Variants in PON2 observed in about 807,000 individuals in gnomAD.
The protein encoded by PON2 is serum paraoxonase/arylesterase 2.
In PON2, 27 loss-of-function variants were observed where a neutral mutation model predicts 36.6. That is an observed-to-expected ratio of 0.74 (90% CI 0.54 to 1.02). PON2 has a LOEUF of 1.02. Ranked by LOEUF, PON2 falls within the 50% of genes least tolerant of loss-of-function variation. The pLI, the probability that PON2 is intolerant of heterozygous loss-of-function variation, is 0.00. For synonymous variants in PON2, 149 were observed against 156.3 expected, an observed-to-expected ratio of 0.95 and a Z score of 0.35; for missense variants, 363 against 421.1, an observed-to-expected ratio of 0.86 and a Z score of 1.21.
At chr7:95,413,440 A>G (rs1788987322) in intron 3 of PON2, among the ~76,000 whole-genome samples, 1 of 152,244 alleles carries the variant, frequency 6.6e-6, no homozygotes, top group Non-Finnish European at 1.5e-5. Flanking sequence ...ATGCAAATGC[A>G]GCCAATGCTT....
chr7:95,433,546 T>C (rs926829849), intron 1 of PON2, among the ~76,000 whole-genome samples: 3 of 152,218 alleles, frequency 2.0e-5, no homozygotes, highest in Admixed American at 2.0e-4. Context: ...TAAGTTCTTG[T>C]TGAAAAGCAA....
chr7:95,419,356 G>A (rs942542209), intron 2 of PON2, among the ~76,000 whole-genome samples: 1 of 152,146 alleles, frequency 6.6e-6, no homozygotes, highest in Admixed American at 6.6e-5. Context: ...CCACTGCTCA[G>A]GGGAATTAGG....
chr7:95,411,545 T>C, intron 5 of PON2, 108 bp downstream of exon 5: 1 of 1,308,294 alleles, frequency 7.6e-7, no homozygotes, highest in Non-Finnish European at 1.1e-6. Flanking sequence ...TCTTACATAT[T>C]AGCTAATATA....
chr7:95,407,634 T>A (rs995874873), intron 6 of PON2, among the ~76,000 whole-genome samples: 1 of 152,232 alleles, frequency 6.6e-6, no homozygotes, highest in Non-Finnish European at 1.5e-5. Context: ...CCATGGCACC[T>A]GCTCTGTTGA....
intron 1 of PON2, among the ~76,000 whole-genome samples, chr7:95,428,621 C>T (rs1392055732): frequency 6.6e-6 from 1 of 152,134 alleles, no homozygotes. Context: ...ATTTACCTAC[C>T]TCTAGATCCA....
At position 95,405,392 on chromosome 7, in the gene PON2, C is replaced by T; in HGVS notation, c.1003G>A (p.Val335Met). 6.2e-7 allele frequency: 1 copy of T among 1,613,984 alleles called. No individual in the cohort carries two copies. The highest frequency in any genetic ancestry group is 8.5e-7 in the Non-Finnish European group (1 of 1,179,876). ...SVLQGSSVAS[V>M]YDGKLLIGTL... ...CCTATGAGCAGCTTCCCATCATACACTGAGGCTACAGAACTTCCTTGGAGA... is the reference window on the plus strand; with the variant it reads ...CCTATGAGCAGCTTCCCATCATACATTGAGGCTACAGAACTTCCTTGGAGA... The change falls in exon 9 of 9, where the codon GTG becomes ATG. Residue 335 changes from valine (V) to methionine (M), a missense_variant. Physicochemically the swap from Val to Met is conservative, Grantham distance 21. Transcript: ENST00000222572.
intron 3 of PON2, chr7:95,412,905 T>C (rs1585749924): frequency 3.9e-6 from 1 of 257,558 alleles, no homozygotes; most frequent in African/African-American, 2.3e-5. Context: ...CATTTACATA[T>C]TGGTCTATTT....
chr7:95,431,125 G>C (rs1789432663), intron 1 of PON2, among the ~76,000 whole-genome samples: 1 of 152,102 alleles, frequency 6.6e-6, no homozygotes, highest in African/African-American at 2.4e-5. Flanking sequence ...TTTGTATACT[G>C]TTATTTTCCC....
intron 5 of PON2, among the ~76,000 whole-genome samples, chr7:95,410,678 C>T (rs1471543223): frequency 6.6e-6 from 1 of 152,040 alleles, no homozygotes; most frequent in Admixed American, 6.6e-5. Flanking sequence ...TACAATGCTT[C>T]AGGTGAGAGA....
At position 95,405,537 on chromosome 7, in the gene PON2, T is replaced by C. The variant is rs373903905; in HGVS notation, c.907-49A>G. On this transcript the variant is annotated intron_variant, in intron 8 of 8. Transcript: ENST00000222572. ...AATATAAGACCACCGTACATGCATGTCACTCAATCATCAATAAGCCCTGTT... is the reference window on the plus strand; with the variant it reads ...AATATAAGACCACCGTACATGCATGCCACTCAATCATCAATAAGCCCTGTT... The C allele has an allele frequency of 5.5e-5, 85 of 1,541,558 alleles. No individual in the cohort carries two copies. The African/African-American group carries it at 1.1e-3, about 20-fold the overall frequency.
intron 2 of PON2, among the ~76,000 whole-genome samples, chr7:95,423,219 G>A (rs1789234066): frequency 6.6e-6 from 1 of 151,562 alleles, no homozygotes; most frequent in African/African-American, 2.4e-5. Flanking sequence ...CTACCTGGGA[G>A]GACGAGGCGG....
intron 1 of PON2, among the ~76,000 whole-genome samples, chr7:95,430,581 G>A (rs1363255213): frequency 2.0e-5 from 3 of 151,832 alleles, no homozygotes; most frequent in African/African-American, 7.3e-5. Flanking sequence ...TTATAGTAAT[G>A]AGCCACCGTG....
chr7:95,427,546 T>C, intron 1 of PON2, among the ~76,000 whole-genome samples: 1 of 152,180 alleles, frequency 6.6e-6, no homozygotes, highest in East Asian at 1.9e-4. Flanking sequence ...CACGCAGTGT[T>C]TGAGACTGCG....
chr7:95,414,128 A>G (rs1789004259), intron 3 of PON2, among the ~76,000 whole-genome samples: 1 of 152,186 alleles, frequency 6.6e-6, no homozygotes, highest in African/African-American at 2.4e-5. Context: ...TGTTAAGCAC[A>G]CTCACATTGT....
chr7:95,426,136 T>C (rs17876189), intron 1 of PON2, among the ~76,000 whole-genome samples: 1,715 of 152,214 alleles, frequency 0.011, 29 homozygotes, highest in South Asian at 0.047. Flanking sequence ...TGAAAAACTA[T>C]AGGGTACTAT....
intron 1 of PON2, among the ~76,000 whole-genome samples, chr7:95,430,222 T>C (rs1399784421): frequency 6.6e-6 from 1 of 152,092 alleles, no homozygotes; most frequent in Non-Finnish European, 1.5e-5. Context: ...CCCAGTGCTT[T>C]GGGAAGTTGA....
intron 2 of PON2, among the ~76,000 whole-genome samples, chr7:95,421,743 A>G (rs1789197996): frequency 2.0e-5 from 3 of 152,196 alleles, no homozygotes; most frequent in Non-Finnish European, 4.4e-5. Flanking sequence ...AAAAAAGGAG[A>G]AAGAACACAT....
intron 1 of PON2, among the ~76,000 whole-genome samples, chr7:95,431,158 G>C (rs1480871625): frequency 6.6e-6 from 1 of 152,090 alleles, no homozygotes; most frequent in Non-Finnish European, 1.5e-5. Context: ...ACTAGGGAGG[G>C]GTGGAAAAGG....
Position 95,421,696 on chromosome 7 carries a change from G to A in PON2, c.145+2819C>T, listed in dbSNP as rs1182937310. 2.0e-5 allele frequency among the ~76,000 whole-genome samples: 3 copies of A among 152,148 alleles called. No homozygotes were observed. The East Asian group carries it at 5.8e-4, about 29-fold the overall frequency. ...AGGACAGCCAACCAGTCTAGGGGAG[G>A]GGAGGTAGAACTGGGGAAATACAAA... On this transcript the variant is annotated intron_variant, in intron 2 of 8. Transcript: ENST00000222572.
Sources: allele counts gnomAD v4.1 joint callset (sites outside exome capture counted in the v4.1 genomes callset), GRCh38; gene constraint gnomAD v4.1.1; transcripts MANE v1.5; gene names NCBI Gene and HGNC (gene_info 2026-07-23, HGNC 2026-07-21).